Variants in ZNF547 observed in about 807,000 individuals in gnomAD.
ZNF547 encodes the protein zinc finger protein 547.
A neutral mutation model predicts 7.7 loss-of-function variants in ZNF547; 4 were observed. The ratio of observed to expected loss-of-function variants is 0.52; its 90% confidence interval spans 0.26 to 1.20. ZNF547 has a LOEUF of 1.20. Among genes scored for constraint, ZNF547 ranks in the 50% most tolerant of loss-of-function variants. The pLI, the probability that ZNF547 is intolerant of heterozygous loss-of-function variation, is 0.14. For missense variants in ZNF547, 449 were observed against 485.8 expected, an observed-to-expected ratio of 0.92 and a Z score of 0.71; for synonymous variants, 166 against 166.2, an observed-to-expected ratio of 1.00 and a Z score of 0.01.
At chr19:57,365,464 ATGTT>A in intron 1 of ZNF547, 1 of 514,138 alleles carries the variant, frequency 1.9e-6, no homozygotes, top group Non-Finnish European at 3.4e-6. Flanking sequence ...CTTGTGAACA[ATGTT>A]ATTTATAAAG....
chr19:57,368,508 C>A, intron 1 of ZNF547, 36 bp from the exon 2 acceptor site: 1 of 1,608,630 alleles, frequency 6.2e-7, no homozygotes, highest in Non-Finnish European at 8.5e-7. Context: ...ATCTTCCCAT[C>A]GTTGCCCATT....
At chr19:57,365,903 T>C (rs148418999) in intron 1 of ZNF547, among the ~76,000 whole-genome samples, 92 of 151,278 alleles carry the variant, frequency 6.1e-4, no homozygotes, top group African/African-American at 2.2e-3. Context: ...GCTCCTGTTG[T>C]GCAGGGGCTG....
intron 2 of ZNF547, among the ~76,000 whole-genome samples, chr19:57,370,050 G>A (rs1326666137): frequency 6.6e-6 from 1 of 151,460 alleles, no homozygotes; most frequent in Non-Finnish European, 1.5e-5. Context: ...ACCCCACTAC[G>A]CCCAGCTAAT....
intron 1 of ZNF547, chr19:57,365,137 G>A (rs2088457082): frequency 1.2e-6 from 2 of 1,604,158 alleles, no homozygotes; most frequent in East Asian, 2.2e-5. Flanking sequence ...CTTTACTGAT[G>A]TTTATGATTT....
In ZNF547 at chr19:57,373,959, C is replaced by T. The variant is rs115313189; in HGVS notation, c.151+2051C>T. Among the ~76,000 whole-genome samples, 1,283 of 152,262 alleles carry T rather than the reference C, an allele frequency of 8.4e-3. 16 individuals carry two copies. The highest frequency in any genetic ancestry group is 0.028 in the African/African-American group (1,165 of 41,544). The stretch of plus-strand genomic sequence containing the variant: ...ATCTACCATTCTGGGGACTGGAGGA[C>T]GTGGCCTTCTTCTCATAGCTCCACT... On this transcript the variant is annotated intron_variant, in intron 3 of 3. Coordinates refer to ENST00000282282, the MANE Select transcript of ZNF547 (RefSeq NM_173631.4).
intron 3 of ZNF547, among the ~76,000 whole-genome samples, chr19:57,374,982 T>G (rs1362292881): frequency 6.6e-6 from 1 of 152,150 alleles, no homozygotes; most frequent in Non-Finnish European, 1.5e-5. Flanking sequence ...CTTCCACATT[T>G]TCGGGTATCC....
rs370696549 is a variant in ZNF547, at chr19:57,378,963, T to A, written c.*778T>A. 5.4e-6 allele frequency: 1 copy of A among 185,680 alleles called. No individual in the cohort carries two copies. 11.5% of individuals were successfully genotyped at this position (185,680 alleles called of 1,614,324 possible). Reference sequence around the variant, plus strand: ...TTAGAGTGTTTTTCATTATTTTTTTTCACTTAGGATAATATCCTCAAAGTT... The same window carrying A: ...TTAGAGTGTTTTTCATTATTTTTTTACACTTAGGATAATATCCTCAAAGTT... On this transcript the variant is annotated 3_prime_UTR_variant, in exon 4 of 4. Transcript: ENST00000282282.
At chr19:57,369,868 T>TGAAGAAAA (rs2088493073) in intron 2 of ZNF547, among the ~76,000 whole-genome samples, 1 of 143,946 alleles carries the variant, frequency 6.9e-6, no homozygotes, top group Non-Finnish European at 1.5e-5. Context: ...GGGTACTTTA[T>TGAAGAAAA]GAAGAAAAGA....
rs202089799 is a variant in ZNF547 at position 57,377,197 on chromosome 19, T to C, written c.221T>C (p.Val74Ala). ...GGTGTTTCTGTAGGAGTGTCACAGG[T>C]CATGGCTCCAAAGCCCTGTCTATCT... is the stretch of plus-strand genomic sequence containing the variant. ...EPGVSVGVSQ[V>A]MAPKPCLSTQ... The change falls in exon 4 of 4, where the codon GTC becomes GCC. Residue 74 changes from valine (V) to alanine (A), a missense_variant. By Grantham distance (64) the Val-to-Ala change is moderately conservative. Transcript: ENST00000282282. 112 of 1,614,188 alleles carry C rather than the reference T, an allele frequency of 6.9e-5. 2 individuals carry two copies. In the South Asian group the frequency reaches 8.9e-4, roughly 13 times the overall value.
chr19:57,376,007 A>G (rs1033493336), intron 3 of ZNF547, among the ~76,000 whole-genome samples: 1 of 152,112 alleles, frequency 6.6e-6, no homozygotes, highest in African/African-American at 2.4e-5. Flanking sequence ...TACTAAAAAT[A>G]CAATAATTAG....
At chr19:57,375,661 C>CAAA (rs67290425) in intron 3 of ZNF547, among the ~76,000 whole-genome samples, 2 of 91,490 alleles carry the variant, frequency 2.2e-5, no homozygotes, top group Non-Finnish European at 2.2e-5. Flanking sequence ...GAGTTTGTCT[C>CAAA]AAAAAAAAAA....
intron 3 of ZNF547, among the ~76,000 whole-genome samples, chr19:57,374,852 C>T (rs559496012): frequency 2.2e-4 from 33 of 152,298 alleles, no homozygotes; most frequent in African/African-American, 7.7e-4. Context: ...GCTAAATCAG[C>T]ATTTTGATCA....
chr19:57,365,842 T>C (rs1297073764), intron 1 of ZNF547, among the ~76,000 whole-genome samples: 1 of 149,914 alleles, frequency 6.7e-6, no homozygotes, highest in African/African-American at 2.5e-5. Context: ...GGAATAAGCT[T>C]TCTTTTTCTT....
chr19:57,374,131 C>G (rs935320589), intron 3 of ZNF547, among the ~76,000 whole-genome samples: 2 of 152,246 alleles, frequency 1.3e-5, no homozygotes, highest in African/African-American at 4.8e-5. Flanking sequence ...CCTCTGAAAT[C>G]TAGGTGGAGG....
At position 57,364,827 on chromosome 19, in the gene ZNF547, G is replaced by A. The variant is rs1182137050; in HGVS notation, c.-13+1124G>A. 1.9e-6 allele frequency: 3 copies of A among 1,600,172 alleles called. No individual in the cohort carries two copies. In the African/African-American group the frequency reaches 4.0e-5, roughly 21 times the overall value. On this transcript the variant is annotated intron_variant, in intron 1 of 3. Coordinates refer to ENST00000282282, the MANE Select transcript of ZNF547 (RefSeq NM_173631.4). ...CCTCCCGCTGCAGGAGCCATATATT[G>A]AAGACCATGTCTGGAAGCTTCTACT...
chr19:57,377,906 A>T lies in ZNF547; in HGVS notation c.930A>T (p.Thr310=), dbSNP rs1164126474. The change falls in exon 4 of 4, where the codon ACA becomes ACT. Residue 310 remains threonine, a synonymous_variant. Coordinates refer to ENST00000282282, the MANE Select transcript of ZNF547 (RefSeq NM_173631.4). The stretch of plus-strand genomic sequence containing the variant: ...GGAAATTCTTTATGGAAAGGTCTAC[A>T]CTCAGTAGACATCAGAGAGTTCACA... ...ECGKFFMERS[T]LSRHQRVHTG... 6.2e-7 allele frequency: 1 copy of T among 1,613,220 alleles called. No individual in the cohort carries two copies. The highest frequency in any genetic ancestry group is 8.5e-7 in the Non-Finnish European group (1 of 1,179,848).
At chr19:57,364,049 C>T (rs921478332) in intron 1 of ZNF547, 3 of 152,128 alleles carry the variant, frequency 2.0e-5, no homozygotes, top group African/African-American at 7.3e-5. Context: ...AGGGGCAGGT[C>T]CAGAGTTAGA....
Position 57,377,140 on chromosome 19 carries a change from G to C in ZNF547, c.164G>C (p.Gly55Ala). The C allele has an allele frequency of 6.2e-7, 1 of 1,612,942 alleles. No individual in the cohort carries two copies. The highest frequency in any genetic ancestry group is 8.5e-7 in the Non-Finnish European group (1 of 1,179,072). ...TTTATTCTTACAGGTTGTTGCCATG[G>C]AGCTGAGGATGAGGAGGCACCTTTA... ...ALLSSLGCCH[G>A]AEDEEAPLEP... Residue 55 changes from glycine (G) to alanine (A), a missense_variant, in exon 4 of 4, where the codon GGA (glycine) becomes GCA (alanine). Gly to Ala is a moderately conservative substitution (Grantham distance 60). Coordinates refer to ENST00000282282, the MANE Select transcript of ZNF547 (RefSeq NM_173631.4).
intron 1 of ZNF547, among the ~76,000 whole-genome samples, chr19:57,366,826 G>T (rs1989455): frequency 0.49 from 74,524 of 151,998 alleles, 19,174 homozygotes; most frequent in South Asian, 0.66. Flanking sequence ...CACATACGTG[G>T]ACGTTATGCA....
Sources: allele counts gnomAD v4.1 joint callset (sites outside exome capture counted in the v4.1 genomes callset), GRCh38; gene constraint gnomAD v4.1.1; transcripts MANE v1.5; gene names NCBI Gene and HGNC (gene_info 2026-07-23, HGNC 2026-07-21).